Variants in WWOX observed in about 807,000 individuals in gnomAD.
WWOX encodes the protein WW domain-containing oxidoreductase.
In WWOX, 69 loss-of-function variants were observed where a neutral mutation model predicts 46.2. The ratio of observed to expected loss-of-function variants is 1.49; its 90% confidence interval spans 1.23 to 1.82. The LOEUF is 1.82. Ranked by LOEUF, WWOX falls within the 40% of genes most tolerant of loss-of-function variation. The pLI is 0.00. For missense variants in WWOX, 919 were observed against 542.6 expected (o/e 1.69, Z -6.89); for synonymous variants, 359 against 202.6 (o/e 1.77, Z -6.56).
chr16:78,457,527 A>T (rs944433775), intron 8 of WWOX, among the ~76,000 whole-genome samples: 1 of 151,958 alleles, frequency 6.6e-6, no homozygotes, highest in African/African-American at 2.4e-5. Context: ...TTTTCCCCAA[A>T]TGCTAAGCTT....
At chr16:78,547,430 C>T (rs1307395497) in intron 8 of WWOX, among the ~76,000 whole-genome samples, 1 of 152,126 alleles carries the variant, frequency 6.6e-6, no homozygotes, top group Non-Finnish European at 1.5e-5. Flanking sequence ...GTTTCAATGA[C>T]CCTGTGGTGA....
rs1567501907 is a variant in WWOX, at chr16:78,325,115, C to T, written c.517-61745C>T. Among the ~76,000 whole-genome samples the T allele has an allele frequency of 2.6e-5, 4 of 152,166 alleles. No individual in the cohort carries two copies. The South Asian group carries it at 6.2e-4, about 24-fold the overall frequency. On this transcript the variant is annotated intron_variant, in intron 5 of 8. Transcript: ENST00000566780. ...AACAGCCTGGGAGTGTTGGTCCCGTCACAGGGCTGTGGCAGCCTTTAAAGC... is the reference window on the plus strand; with the variant it reads ...AACAGCCTGGGAGTGTTGGTCCCGTTACAGGGCTGTGGCAGCCTTTAAAGC...
At chr16:79,049,429 G>A (rs529336575) in intron 8 of WWOX, among the ~76,000 whole-genome samples, 20 of 152,280 alleles carry the variant, frequency 1.3e-4, no homozygotes, top group African/African-American at 4.6e-4. Context: ...AACCTTGAGG[G>A]GCATCGATAT....
chr16:78,511,067 G>A (rs2085349101), intron 8 of WWOX, among the ~76,000 whole-genome samples: 1 of 152,222 alleles, frequency 6.6e-6, no homozygotes, highest in Non-Finnish European at 1.5e-5. Context: ...CGTGTTTATA[G>A]TCCCAGGGTG....
chr16:78,660,030 C>A (rs1481852234), intron 8 of WWOX, among the ~76,000 whole-genome samples: 1 of 152,172 alleles, frequency 6.6e-6, no homozygotes. Flanking sequence ...TATTTTACCT[C>A]AAAGCAAACA....
chr16:78,933,134 A>G (rs1481408906), intron 8 of WWOX, among the ~76,000 whole-genome samples: 1 of 152,168 alleles, frequency 6.6e-6, no homozygotes, highest in South Asian at 2.1e-4. Flanking sequence ...CTCTTTGAAC[A>G]CTTTTTTAAA....
intron 5 of WWOX, chr16:78,355,753 A>G: frequency 1.5e-5 from 11 of 711,550 alleles, no homozygotes; most frequent in Non-Finnish European, 2.7e-5. Context: ...AGACATATGA[A>G]TCAACAAAAC....
intron 8 of WWOX, among the ~76,000 whole-genome samples, chr16:79,053,814 C>T (rs996071850): frequency 6.6e-6 from 1 of 152,110 alleles, no homozygotes; most frequent in African/African-American, 2.4e-5. Context: ...GCAAGGTGTG[C>T]TTCAGAAATT....
At chr16:78,685,218 C>T (rs774587701) in intron 8 of WWOX, among the ~76,000 whole-genome samples, 2 of 152,294 alleles carry the variant, frequency 1.3e-5, no homozygotes, top group South Asian at 2.1e-4. Context: ...TCAGCCAGGG[C>T]AGGAGTATTC....
At chr16:78,562,733 G>A (rs1394689321) in intron 8 of WWOX, among the ~76,000 whole-genome samples, 1 of 152,178 alleles carries the variant, frequency 6.6e-6, no homozygotes, top group Non-Finnish European at 1.5e-5. Context: ...GGAGGTGAAA[G>A]CATGCAAGCT....
chr16:78,540,119 G>A (rs914408028), intron 8 of WWOX, among the ~76,000 whole-genome samples: 20 of 149,874 alleles, frequency 1.3e-4, no homozygotes, highest in African/African-American at 1.7e-4. Context: ...TTTTAGCTCC[G>A]ATCTGTGTTC....
At chr16:78,531,342 G>T (rs1259126523) in intron 8 of WWOX, among the ~76,000 whole-genome samples, 2 of 152,158 alleles carry the variant, frequency 1.3e-5, no homozygotes, top group African/African-American at 4.8e-5. Context: ...GAGAAAGAAG[G>T]CAGTGGAGCC....
At chr16:78,583,604 C>T (rs185905574) in intron 8 of WWOX, among the ~76,000 whole-genome samples, 2 of 152,276 alleles carry the variant, frequency 1.3e-5, no homozygotes, top group Admixed American at 1.3e-4. Flanking sequence ...TTCATCTTCC[C>T]AAGCTGGGAT....
chr16:78,626,315 A>G (rs2046310453), intron 8 of WWOX, among the ~76,000 whole-genome samples: 1 of 151,940 alleles, frequency 6.6e-6, no homozygotes, highest in Non-Finnish European at 1.5e-5. Context: ...AGGATACCAC[A>G]TTTTATTTAA....
chr16:78,871,453 G>A (rs781370024), intron 8 of WWOX, among the ~76,000 whole-genome samples: 1 of 152,208 alleles, frequency 6.6e-6, no homozygotes, highest in Non-Finnish European at 1.5e-5. Flanking sequence ...GTCCACCACA[G>A]TTTCCAGTGC....
At chr16:78,767,966 C>T (rs1307939308) in intron 8 of WWOX, among the ~76,000 whole-genome samples, 7 of 152,044 alleles carry the variant, frequency 4.6e-5, no homozygotes, top group African/African-American at 1.7e-4. Flanking sequence ...GTGCTAATGT[C>T]TTCTAGTACT....
chr16:78,463,764 G>T (rs992512256), intron 8 of WWOX, among the ~76,000 whole-genome samples: 1 of 152,212 alleles, frequency 6.6e-6, no homozygotes, highest in African/African-American at 2.4e-5. Flanking sequence ...CAGGGCTGAT[G>T]TGTGTTAGGT....
At chr16:78,603,367 C>G (rs1029052805) in intron 8 of WWOX, among the ~76,000 whole-genome samples, 1 of 152,174 alleles carries the variant, frequency 6.6e-6, no homozygotes, top group Non-Finnish European at 1.5e-5. Context: ...TGAACGCCCC[C>G]ACTGGGTGAT....
intron 8 of WWOX, among the ~76,000 whole-genome samples, chr16:78,812,167 A>T (rs549374349): frequency 4.6e-5 from 7 of 152,188 alleles, no homozygotes; most frequent in African/African-American, 1.7e-4. Flanking sequence ...CATAGGAACT[A>T]GGTGTCCTAA....
Sources: allele counts gnomAD v4.1 joint callset (sites outside exome capture counted in the v4.1 genomes callset), GRCh38; gene constraint gnomAD v4.1.1; transcripts MANE v1.5; gene names NCBI Gene and HGNC (gene_info 2026-07-23, HGNC 2026-07-21).